CLCN3: variants seen among roughly 807,000 people sequenced by gnomAD.
CLCN3 encodes H(+)/Cl(-) exchange transporter 3.
In CLCN3, 16 loss-of-function variants were observed where a neutral mutation model predicts 83.4. The observed-to-expected ratio is 0.19, with a 90% CI of 0.13 to 0.29. CLCN3 has a LOEUF of 0.29. CLCN3 is among the 10% of genes least tolerant of loss of function. CLCN3 has a pLI of 1.00. For missense variants in CLCN3, 544 were observed against 1,006.0 expected (o/e 0.54, Z 6.21); for synonymous variants, 322 against 346.2 (o/e 0.93, Z 0.78).
At chr4:169,704,310 T>C in intron 10 of CLCN3, 126 bp downstream of exon 10, 1 of 748,836 alleles carries the variant, frequency 1.3e-6, no homozygotes. Context: ...CAGGAGGAGA[T>C]GTTTTAACAG....
At chr4:169,641,285 T>C (rs893854471) in intron 2 of CLCN3, among the ~76,000 whole-genome samples, 3 of 152,126 alleles carry the variant, frequency 2.0e-5, no homozygotes, top group Non-Finnish European at 4.4e-5. Flanking sequence ...AAAAAACCTT[T>C]GGAAATACTA....
chr4:169,711,154 C>T (rs960993932), intron 11 of CLCN3, among the ~76,000 whole-genome samples: 8 of 152,134 alleles, frequency 5.3e-5, no homozygotes, highest in African/African-American at 1.7e-4. Context: ...TTTACTCCCC[C>T]GTCCACATTT....
chr4:169,694,820 C>T (rs1560863605), intron 7 of CLCN3, among the ~76,000 whole-genome samples: 1 of 151,948 alleles, frequency 6.6e-6, no homozygotes, highest in Non-Finnish European at 1.5e-5. Flanking sequence ...GCCTGAGAAA[C>T]AAGAGAGAAA....
At chr4:169,675,198 A>G (rs952118823) in intron 2 of CLCN3, among the ~76,000 whole-genome samples, 1 of 152,206 alleles carries the variant, frequency 6.6e-6, no homozygotes, top group African/African-American at 2.4e-5. Context: ...CCTACTCTAT[A>G]GTTTATTTGG....
At chr4:169,716,004 G>T (rs902202422) in intron 12 of CLCN3, among the ~76,000 whole-genome samples, 14 of 152,100 alleles carry the variant, frequency 9.2e-5, no homozygotes, top group Admixed American at 2.0e-4. Flanking sequence ...TTTTTGGGTT[G>T]CAGGGAAGGA....
chr4:169,719,450 C>T (rs548396583), intron 12 of CLCN3, among the ~76,000 whole-genome samples: 1 of 151,844 alleles, frequency 6.6e-6, no homozygotes, highest in East Asian at 1.9e-4. Flanking sequence ...GGCTACAGAG[C>T]GAGACTCTGT....
intron 12 of CLCN3, among the ~76,000 whole-genome samples, chr4:169,716,515 TA>T (rs148665174): frequency 6.6e-6 from 1 of 151,870 alleles, no homozygotes; most frequent in African/African-American, 2.4e-5. Flanking sequence ...ATTGATGGCT[TA>T]AAAAAAAGAA....
chr4:169,668,903 C>T (rs1731354770), intron 2 of CLCN3, among the ~76,000 whole-genome samples: 1 of 152,106 alleles, frequency 6.6e-6, no homozygotes, highest in South Asian at 2.1e-4. Context: ...TCAAGATTTA[C>T]ATTTCTAGGA....
intron 12 of CLCN3, among the ~76,000 whole-genome samples, chr4:169,714,951 A>G (rs937838842): frequency 2.6e-5 from 4 of 152,142 alleles, no homozygotes; most frequent in African/African-American, 7.2e-5. Context: ...TACTAGTTAA[A>G]TGGGGCAACT....
chr4:169,668,589 T>C (rs1315996203), intron 2 of CLCN3, among the ~76,000 whole-genome samples: 2 of 152,156 alleles, frequency 1.3e-5, no homozygotes, highest in Non-Finnish European at 2.9e-5. Flanking sequence ...GTCATGGAAT[T>C]TCTCTACTAG....
intron 1 of CLCN3, among the ~76,000 whole-genome samples, chr4:169,628,792 C>CT (rs1773297356): frequency 6.6e-6 from 1 of 152,226 alleles, no homozygotes; most frequent in Admixed American, 6.5e-5. Flanking sequence ...CTATTGTACT[C>CT]TGACATTTAG....
chr4:169,699,416 T>G (rs1732690891), intron 9 of CLCN3, among the ~76,000 whole-genome samples: 3 of 152,252 alleles, frequency 2.0e-5, no homozygotes, highest in Admixed American at 2.0e-4. Context: ...TTTAAATTAC[T>G]ACCCCTGTAC....
At chr4:169,667,594 A>G (rs1343314163) in intron 2 of CLCN3, among the ~76,000 whole-genome samples, 3 of 151,984 alleles carry the variant, frequency 2.0e-5, no homozygotes, top group Non-Finnish European at 4.4e-5. Flanking sequence ...AGTATTGGTA[A>G]TACCTGAACT....
intron 2 of CLCN3, among the ~76,000 whole-genome samples, chr4:169,655,855 A>G (rs934138481): frequency 2.0e-5 from 3 of 152,128 alleles, no homozygotes; most frequent in African/African-American, 2.4e-5. Flanking sequence ...TATTCCTGTG[A>G]TATGTTATTT....
intron 3 of CLCN3, among the ~76,000 whole-genome samples, chr4:169,682,778 A>C (rs926759925): frequency 6.6e-6 from 1 of 152,242 alleles, no homozygotes; most frequent in Non-Finnish European, 1.5e-5. Context: ...ATGGCAGTCA[A>C]GAATGTAATG....
chr4:169,632,729 A>AC (rs1289387452), intron 1 of CLCN3, among the ~76,000 whole-genome samples: 3 of 147,826 alleles, frequency 2.0e-5, no homozygotes, highest in Admixed American at 2.0e-4. Flanking sequence ...AAAAAAAAAA[A>AC]AAAAAAAAAA....
At chr4:169,690,232 G>C (rs574807939) in intron 5 of CLCN3, among the ~76,000 whole-genome samples, 3 of 132,692 alleles carry the variant, frequency 2.3e-5, no homozygotes, top group African/African-American at 8.5e-5. Flanking sequence ...TGCAACCTCC[G>C]CTTCTGGGGT....
intron 9 of CLCN3, among the ~76,000 whole-genome samples, chr4:169,703,733 G>A (rs1017529170): frequency 1.1e-4 from 16 of 149,654 alleles, no homozygotes; most frequent in Non-Finnish European, 2.1e-4. Flanking sequence ...ACTGACATTA[G>A]GGCACCCTTG....
chr4:169,635,569 T>C (rs1773480984), intron 1 of CLCN3, among the ~76,000 whole-genome samples: 2 of 152,164 alleles, frequency 1.3e-5, no homozygotes, highest in Non-Finnish European at 2.9e-5. Flanking sequence ...CTTTCAAACC[T>C]TGTACTTCAG....
Sources: allele counts gnomAD v4.1 joint callset (sites outside exome capture counted in the v4.1 genomes callset), GRCh38; gene constraint gnomAD v4.1.1; transcripts MANE v1.5; gene names NCBI Gene and HGNC (gene_info 2026-07-23, HGNC 2026-07-21).